The following NPSR1 variants were observed in gnomAD, a reference collection of about 807,000 sequenced individuals.
NPSR1 encodes neuropeptide S receptor.
A neutral mutation model predicts 46.9 loss-of-function variants in NPSR1; 48 were observed. That is an observed-to-expected ratio of 1.02 (90% CI 0.81 to 1.30). The LOEUF is 1.30. Ranked by LOEUF, NPSR1 falls within the 50% of genes most tolerant of loss-of-function variation. NPSR1 has a pLI of 0.00. For missense variants in NPSR1, 450 were observed against 449.5 expected, an observed-to-expected ratio of 1.00 and a Z score of -0.01; for synonymous variants, 176 against 168.1, an observed-to-expected ratio of 1.05 and a Z score of -0.36.
At chr7:34,742,378 T>A (rs537867748) in intron 2 of NPSR1, among the ~76,000 whole-genome samples, 2 of 152,314 alleles carry the variant, frequency 1.3e-5, no homozygotes, top group East Asian at 3.9e-4. Flanking sequence ...GTTCATAAGT[T>A]CTCATCATTT....
At chr7:34,798,244 G>A (rs1376213370) in intron 3 of NPSR1, among the ~76,000 whole-genome samples, 1 of 152,080 alleles carries the variant, frequency 6.6e-6, no homozygotes, top group Admixed American at 6.6e-5. Flanking sequence ...AATATTAAAA[G>A]AGATGCAGCC....
chr7:34,811,857 C>T lies in NPSR1; in HGVS notation c.472C>T (p.Gln158Ter), dbSNP rs868156143. The change falls in exon 4 of 9, where the codon CAA becomes TAA. Residue 158 changes from glutamine to a stop codon, truncating the protein, a stop_gained. Coordinates refer to ENST00000360581, the MANE Select transcript of NPSR1 (RefSeq NM_207172.2). LOFTEE classifies it high-confidence loss of function. ...HAIVYPMKFL[Q>*]GEKQARVLIV... ...CATCGTCTACCCCATGAAGTTCCTTCAAGGAGGTGAGCTGGCTTTACCAGG... is the reference window on the plus strand; with the variant it reads ...CATCGTCTACCCCATGAAGTTCCTTTAAGGAGGTGAGCTGGCTTTACCAGG... 6.2e-7 allele frequency: 1 copy of T among 1,612,146 alleles called. No homozygotes were observed.
rs143610363 is a variant in NPSR1 at position 34,837,021 on chromosome 7, A to G, written c.757+2561A>G. On this transcript the variant is annotated intron_variant, in intron 6 of 8. Transcript: ENST00000360581. ...CATATTTTTACTTAGCGGAATATAT[A>G]TGTGCCTGTATAGACAGATGATAGC... Among the ~76,000 whole-genome samples, 1,027 of 152,328 alleles carry G rather than the reference A, an allele frequency of 6.7e-3. 13 individuals carry two copies. The highest frequency in any genetic ancestry group is 0.023 in the African/African-American group (953 of 41,580).
chr7:34,823,323 C>T (rs185934646), intron 4 of NPSR1, among the ~76,000 whole-genome samples: 5 of 140,692 alleles, frequency 3.6e-5, no homozygotes, highest in Admixed American at 3.0e-4. Flanking sequence ...ACCTGGGAAG[C>T]GGAGGTTGCG....
At chr7:34,877,962 G>A in intron 8 of NPSR1, 1 of 608,528 alleles carries the variant, frequency 1.6e-6, no homozygotes, top group South Asian at 2.1e-5. Context: ...CGAGGCGGGA[G>A]GTAGACTATA....
At chr7:34,809,715 G>C (rs909845034) in intron 3 of NPSR1, among the ~76,000 whole-genome samples, 1 of 151,878 alleles carries the variant, frequency 6.6e-6, no homozygotes, top group Non-Finnish European at 1.5e-5. Context: ...CACCCGCCTC[G>C]GCCTCCCAAA....
chr7:34,788,359 A>G (rs1327287933), intron 3 of NPSR1, among the ~76,000 whole-genome samples: 2 of 152,080 alleles, frequency 1.3e-5, no homozygotes, highest in African/African-American at 4.8e-5. Flanking sequence ...AGGAAAAAAA[A>G]CACACAAAGC....
At chr7:34,783,743 G>C (rs1787336439) in intron 3 of NPSR1, among the ~76,000 whole-genome samples, 1 of 151,710 alleles carries the variant, frequency 6.6e-6, no homozygotes, top group South Asian at 2.1e-4. Flanking sequence ...CAAAAACAGA[G>C]AAAATCCTGA....
intron 4 of NPSR1, among the ~76,000 whole-genome samples, chr7:34,821,040 G>A (rs1022701072): frequency 2.0e-5 from 3 of 151,618 alleles, no homozygotes; most frequent in Non-Finnish European, 4.4e-5. Flanking sequence ...AATCTTAAAA[G>A]AGCCTTGGCT....
intron 7 of NPSR1, among the ~76,000 whole-genome samples, chr7:34,847,739 C>A (rs1009114278): frequency 6.6e-6 from 1 of 152,156 alleles, no homozygotes; most frequent in Non-Finnish European, 1.5e-5. Flanking sequence ...TCTTACTCTA[C>A]CAGATCAAAT....
chr7:34,705,052 G>C (rs958710013), intron 2 of NPSR1, among the ~76,000 whole-genome samples: 6 of 152,010 alleles, frequency 3.9e-5, no homozygotes, highest in Non-Finnish European at 7.4e-5. Context: ...TACTAATTAT[G>C]GTCTCTATAT....
At chr7:34,736,947 A>T (rs1305065352) in intron 2 of NPSR1, among the ~76,000 whole-genome samples, 1 of 152,186 alleles carries the variant, frequency 6.6e-6, no homozygotes, top group Non-Finnish European at 1.5e-5. Flanking sequence ...ACAGGATAAG[A>T]AAGCAGTATT....
intron 2 of NPSR1, among the ~76,000 whole-genome samples, chr7:34,758,495 G>A (rs766164125): frequency 4.6e-5 from 7 of 152,162 alleles, no homozygotes; most frequent in African/African-American, 9.7e-5. Flanking sequence ...CTTCAGTACC[G>A]TGCAGAGGTC....
intron 8 of NPSR1, among the ~76,000 whole-genome samples, chr7:34,875,337 G>A (rs1333710045): frequency 1.3e-5 from 2 of 152,186 alleles, no homozygotes; most frequent in African/African-American, 4.8e-5. Context: ...ATCTAAACTT[G>A]CATTTTAAAA....
chr7:34,876,809 T>A (rs62464182), intron 8 of NPSR1, among the ~76,000 whole-genome samples: 9,850 of 152,218 alleles, frequency 0.065, 454 homozygotes, highest in Middle Eastern at 0.17. Flanking sequence ...TTGAATATGA[T>A]CTGAATCCAG....
chr7:34,831,917 T>G (rs1271909970), intron 5 of NPSR1, among the ~76,000 whole-genome samples: 1 of 152,122 alleles, frequency 6.6e-6, no homozygotes. Flanking sequence ...AAAAATTCAT[T>G]TATTTTGCTT....
chr7:34,689,396 G>T (rs939228367), intron 2 of NPSR1, among the ~76,000 whole-genome samples: 3 of 151,630 alleles, frequency 2.0e-5, no homozygotes, highest in South Asian at 4.2e-4. Context: ...ACAAGGTCAG[G>T]AGATCGAGAC....
chr7:34,865,697 G>T (rs1791297309), intron 8 of NPSR1, among the ~76,000 whole-genome samples: 2 of 151,612 alleles, frequency 1.3e-5, no homozygotes, highest in Non-Finnish European at 2.9e-5. Flanking sequence ...AAGACAGAGG[G>T]GCACTACATT....
chr7:34,848,442 C>T (rs775205411), intron 7 of NPSR1, 41 bp from the exon 8 acceptor site: 22 of 1,593,674 alleles, frequency 1.4e-5, no homozygotes, highest in Non-Finnish European at 1.8e-5. Context: ...GACCCCTCAA[C>T]TGCTACCTGC....
Sources: allele counts gnomAD v4.1 joint callset (sites outside exome capture counted in the v4.1 genomes callset), GRCh38; gene constraint gnomAD v4.1.1; transcripts MANE v1.5; gene names NCBI Gene and HGNC (gene_info 2026-07-23, HGNC 2026-07-21).